Variants in BCKDHA observed in about 807,000 individuals in gnomAD.
The protein encoded by BCKDHA is branched chain keto acid dehydrogenase E1 subunit alpha.
Under a neutral mutation model 52.2 loss-of-function variants are expected in BCKDHA, and 43 were observed. The observed-to-expected ratio is 0.82, with a 90% CI of 0.64 to 1.06. The LOEUF (loss-of-function observed/expected upper bound fraction) is 1.06, where lower values mean the gene tolerates loss of function less well. Among genes scored for constraint, BCKDHA ranks in the 50% least tolerant of loss-of-function variants. BCKDHA has a pLI of 0.00. For missense variants in BCKDHA, 527 were observed against 621.3 expected, an observed-to-expected ratio of 0.85 and a Z score of 1.61; for synonymous variants, 234 against 247.9, an observed-to-expected ratio of 0.94 and a Z score of 0.53.
At chr19:41,421,580 G>C (rs756352418) in intron 5 of BCKDHA, among the ~76,000 whole-genome samples, 1 of 151,318 alleles carries the variant, frequency 6.6e-6, no homozygotes, top group East Asian at 1.9e-4. Context: ...GGGTGAGCAG[G>C]TGTGGGGTGG....
rs1410757109 is a variant in BCKDHA at position 41,415,653 on chromosome 19, CCTT to C, written c.484+1497_484+1499del. On this transcript the variant is annotated intron_variant, in intron 4 of 8. Coordinates refer to ENST00000269980, the MANE Select transcript of BCKDHA (RefSeq NM_000709.4). ...CAGAGTGCTGTTCTTTTTTTCTTCT[CCTT>C]TTTTTTTTTTGAGATGGAATCTCGC... Among the ~76,000 whole-genome samples the C allele has an allele frequency of 3.9e-5, 6 of 151,942 alleles. No homozygotes were observed. In the East Asian group the frequency reaches 1.2e-3, roughly 29 times the overall value.
intron 1 of BCKDHA, among the ~76,000 whole-genome samples, chr19:41,403,834 C>T (rs912390213): frequency 1.3e-5 from 2 of 152,230 alleles, no homozygotes; most frequent in African/African-American, 2.4e-5. Context: ...AGAGACAGAA[C>T]CAGATTCAAA....
chr19:41,401,543 A>C lies in BCKDHA; in HGVS notation c.108+3608A>C, dbSNP rs191638742. On this transcript the variant is annotated intron_variant, in intron 1 of 8. Transcript: ENST00000269980. ...CCGACTTCTTGCCCCTGCTCTGCCC[A>C]CTCCTTCATTGAATACCCTGCTGCC... is the stretch of plus-strand genomic sequence containing the variant. Among the ~76,000 whole-genome samples the C allele has an allele frequency of 1.4e-4, 22 of 151,804 alleles. No homozygotes were observed. In the East Asian group the frequency reaches 4.3e-3, roughly 29 times the overall value.
chr19:41,410,504 TGTGAGTCAGGCCCCAGAGTTCA>T, intron 1 of BCKDHA, 111 bp from the exon 2 acceptor site: 1 of 963,608 alleles, frequency 1.0e-6, no homozygotes, highest in Admixed American at 2.1e-5. Flanking sequence ...GCTCAGACCC[TGTGAGTCAGGCCCCAGAGTTCA>T]CTGGGGCCAC....
At chr19:41,414,718 T>C (rs907456418) in intron 4 of BCKDHA, among the ~76,000 whole-genome samples, 2 of 152,024 alleles carry the variant, frequency 1.3e-5, no homozygotes, top group Non-Finnish European at 2.9e-5. Context: ...AAGAAAATCA[T>C]TGAGCAGGAA....
At chr19:41,403,507 G>A (rs561192617) in intron 1 of BCKDHA, among the ~76,000 whole-genome samples, 6 of 152,214 alleles carry the variant, frequency 3.9e-5, no homozygotes, top group Admixed American at 3.3e-4. Flanking sequence ...TTGACCTATA[G>A]CAGCCATGCC....
At chr19:41,424,151 C>T (rs541948836) in intron 8 of BCKDHA, among the ~76,000 whole-genome samples, 9 of 152,160 alleles carry the variant, frequency 5.9e-5, no homozygotes, top group Admixed American at 3.3e-4. Context: ...AGGGCAGCAC[C>T]GTGTGTCCTG....
At chr19:41,407,469 C>T in intron 1 of BCKDHA, among the ~76,000 whole-genome samples, 1 of 152,114 alleles carries the variant, frequency 6.6e-6, no homozygotes, top group East Asian at 1.9e-4. Context: ...GGGAGACAGA[C>T]ACGAAACAAA....
At chr19:41,407,902 GATGTCTAGGAGCCTGA>G (rs1267976480) in intron 1 of BCKDHA, among the ~76,000 whole-genome samples, 1 of 151,906 alleles carries the variant, frequency 6.6e-6, no homozygotes, top group Non-Finnish European at 1.5e-5. Context: ...GAGGAGCATG[GATGTCTAGGAGCCTGA>G]ATCTCAGCGT....
intron 1 of BCKDHA, among the ~76,000 whole-genome samples, chr19:41,407,283 G>A (rs1334490995): frequency 6.6e-6 from 1 of 152,196 alleles, no homozygotes; most frequent in Non-Finnish European, 1.5e-5. Context: ...GAGAGGTGAA[G>A]TGTTTTTGCA....
At chr19:41,403,650 G>A (rs1242185120) in intron 1 of BCKDHA, among the ~76,000 whole-genome samples, 1 of 152,162 alleles carries the variant, frequency 6.6e-6, no homozygotes, top group Non-Finnish European at 1.5e-5. Flanking sequence ...TGTGCCATCT[G>A]ATGCTGGTGC....
Position 41,419,916 on chromosome 19 carries a change from T to A in BCKDHA, c.646+620T>A, listed in dbSNP as rs1218281911. On this transcript the variant is annotated intron_variant, in intron 5 of 8. Coordinates refer to ENST00000269980, the MANE Select transcript of BCKDHA (RefSeq NM_000709.4). ...CTGAGTAGCTGGGATTATGGGCATA[T>A]GCCATTGTGCTTGGCTAAATTTTTG... 2.6e-5 allele frequency among the ~76,000 whole-genome samples: 4 copies of A among 152,024 alleles called. No homozygotes were observed. The East Asian group carries it at 7.7e-4, about 29-fold the overall frequency.
At position 41,422,178 on chromosome 19, in the gene BCKDHA, T is replaced by C. The variant is rs748138532; in HGVS notation, c.661T>C (p.Tyr221His). Residue 221 changes from tyrosine (Y) to histidine (H), a missense_variant, in exon 6 of 9, where the codon TAC becomes CAC. Coordinates refer to ENST00000269980, the MANE Select transcript of BCKDHA (RefSeq NM_000709.4). The stretch of plus-strand genomic sequence containing the variant: ...ATCCCCTGCAGCGGTGGGGGCGGCG[T>C]ACGCAGCCAAGCGGGCCAATGCCAA... ...TQIPQAVGAA[Y>H]AAKRANANRV... 6.2e-7 allele frequency: 1 copy of C among 1,613,776 alleles called. No individual in the cohort carries two copies. Among genetic ancestry groups the C allele is most frequent in the South Asian group, 1.1e-5 (1 of 91,068 alleles).
intron 4 of BCKDHA, chr19:41,418,859 A>G: frequency 2.2e-6 from 1 of 458,154 alleles, no homozygotes; most frequent in Non-Finnish European, 4.1e-6. Flanking sequence ...ATTTATGGTT[A>G]GAATATTTCT....
intron 1 of BCKDHA, among the ~76,000 whole-genome samples, chr19:41,402,149 A>G (rs1173702854): frequency 6.6e-6 from 1 of 152,188 alleles, no homozygotes; most frequent in Non-Finnish European, 1.5e-5. Context: ...ATTCAGTATA[A>G]TGAGAACAGC....
chr19:41,397,882 C>A lies in BCKDHA; in HGVS notation c.55C>A (p.Gln19Lys), dbSNP rs1176952770. ...CTGGCGGCTAAACCGTGGTTTGAGC[C>A]AGGCTGCCCTCCTGCTGCTGCGGCA... is the stretch of plus-strand genomic sequence containing the variant. ...RVWRLNRGLS[Q>K]AALLLLRQPG... Residue 19 changes from glutamine (Q) to lysine (K), a missense_variant, in exon 1 of 9, where the codon CAG becomes AAG. Coordinates refer to ENST00000269980, the MANE Select transcript of BCKDHA (RefSeq NM_000709.4). The A allele has an allele frequency of 1.7e-5, 27 of 1,614,034 alleles. No individual in the cohort carries two copies. The highest frequency in any genetic ancestry group is 2.2e-5 in the Non-Finnish European group (26 of 1,180,044).
intron 4 of BCKDHA, among the ~76,000 whole-genome samples, chr19:41,414,724 A>G (rs919636370): frequency 6.6e-6 from 1 of 152,172 alleles, no homozygotes; most frequent in Non-Finnish European, 1.5e-5. Flanking sequence ...ATCATTGAGC[A>G]GGAATGAGTG....
At chr19:41,423,460 C>A (rs1262415548) in intron 8 of BCKDHA, among the ~76,000 whole-genome samples, 3 of 152,132 alleles carry the variant, frequency 2.0e-5, no homozygotes, top group Non-Finnish European at 2.9e-5. Flanking sequence ...TTTGGGAGGC[C>A]GAGGTGGCAG....
rs371339883 is a variant in BCKDHA at position 41,408,461 on chromosome 19, T to G, written c.109-2176T>G. ...GGGGGAGCTATTGCAACGCCTCGGC[T>G]GGTTCTAGGCTGCCTAGCTCCAGAG... On this transcript the variant is annotated intron_variant, in intron 1 of 8. Coordinates refer to ENST00000269980, the MANE Select transcript of BCKDHA (RefSeq NM_000709.4). Among the ~76,000 whole-genome samples, 17 of 152,314 alleles carry G rather than the reference T, an allele frequency of 1.1e-4. No individual in the cohort carries two copies. The East Asian group carries it at 3.1e-3, about 28-fold the overall frequency.
Sources: allele counts gnomAD v4.1 joint callset (sites outside exome capture counted in the v4.1 genomes callset), GRCh38; gene constraint gnomAD v4.1.1; transcripts MANE v1.5; gene names NCBI Gene and HGNC (gene_info 2026-07-23, HGNC 2026-07-21).